Variants in CERS3 observed in about 807,000 individuals in gnomAD.
CERS3 encodes ceramide synthase 3.
Under a neutral mutation model 50.3 loss-of-function variants are expected in CERS3, and 33 were observed. The ratio of observed to expected loss-of-function variants is 0.66; its 90% confidence interval spans 0.50 to 0.88. The LOEUF (loss-of-function observed/expected upper bound fraction) is 0.88. Among genes scored for constraint, CERS3 ranks in the 40% least tolerant of loss-of-function variants. The probability of loss-of-function intolerance (pLI) is 0.00; values close to 1 mark genes in which losing one functional copy is unlikely to be tolerated. For missense variants in CERS3, 470 were observed against 460.3 expected (o/e 1.02, Z -0.19); for synonymous variants, 176 against 155.2 (o/e 1.13, Z -0.99).
rs138804432 is a variant in CERS3 at position 100,457,195 on chromosome 15, T to C, written c.846-1149A>G. Among the ~76,000 whole-genome samples, 658 of 152,326 alleles carry C rather than the reference T, an allele frequency of 4.3e-3. 6 individuals carry two copies. Among genetic ancestry groups the C allele is most frequent in the African/African-American group, 0.015 (624 of 41,580 alleles). On this transcript the variant is annotated intron_variant, in intron 10 of 11. Transcript: ENST00000679737. ...TTCCTATACAATTTTTTAATTTTTTTATTAACATGCAGTAAAATTTACTGT... is the reference window on the plus strand; with the variant it reads ...TTCCTATACAATTTTTTAATTTTTTCATTAACATGCAGTAAAATTTACTGT...
At chr15:100,410,705 G>A (rs985113987) in intron 11 of CERS3, among the ~76,000 whole-genome samples, 1 of 152,094 alleles carries the variant, frequency 6.6e-6, no homozygotes, top group Admixed American at 6.5e-5. Flanking sequence ...AACTTTGTCT[G>A]GTATCAAATT....
In CERS3 at chr15:100,402,379, C is replaced by T; in HGVS notation, c.*334G>A. On this transcript the variant is annotated 3_prime_UTR_variant, in exon 12 of 12. Transcript: ENST00000679737. Reference sequence around the variant, plus strand: ...CCTGTGAAAGCGTCCTGAGGACAGGCAAGGTGGCGAGGCGAAAGGGTCTAT... The same window carrying T: ...CCTGTGAAAGCGTCCTGAGGACAGGTAAGGTGGCGAGGCGAAAGGGTCTAT... 1 of 220,432 alleles carries T rather than the reference C, an allele frequency of 4.5e-6. No individual in the cohort carries two copies. Among genetic ancestry groups the T allele is most frequent in the East Asian group, 1.2e-4 (1 of 8,514 alleles). The allele number at this position is 220,432 out of a possible 1,614,324, so 13.7% of individuals were successfully genotyped here.
chr15:100,423,439 T>TA (rs1169304112), intron 11 of CERS3, among the ~76,000 whole-genome samples: 2 of 152,100 alleles, frequency 1.3e-5, no homozygotes, highest in African/African-American at 4.8e-5. Flanking sequence ...TATACAGCCA[T>TA]AAAAAAGAAC....
intron 2 of CERS3, among the ~76,000 whole-genome samples, chr15:100,509,100 G>T (rs1401647242): frequency 6.6e-6 from 1 of 152,148 alleles, no homozygotes; most frequent in Admixed American, 6.5e-5. Flanking sequence ...GCTGCCAAAA[G>T]TTTCCAAGAA....
upstream of CERS3, among the ~76,000 whole-genome samples, chr15:100,530,355 C>T (rs1168745001): frequency 1.3e-5 from 2 of 152,264 alleles, no homozygotes; most frequent in Non-Finnish European, 2.9e-5. Flanking sequence ...CAATGGCCTG[C>T]TCGCAACCTG....
intron 11 of CERS3, among the ~76,000 whole-genome samples, chr15:100,406,437 T>C (rs1341737494): frequency 1.3e-5 from 2 of 152,238 alleles, no homozygotes; most frequent in Non-Finnish European, 2.9e-5. Context: ...GTGTGTAATC[T>C]GAACATGGCT....
Position 100,480,018 on chromosome 15 carries a change from T to C in CERS3, c.436A>G (p.Thr146Ala). 1 of 1,611,324 alleles carries C rather than the reference T, an allele frequency of 6.2e-7. No homozygotes were observed. Among genetic ancestry groups the C allele is most frequent in the Non-Finnish European group, 8.5e-7 (1 of 1,178,798 alleles). ...CWRFAFYLMI[T>A]VAGIAFLYDK... Reference sequence around the variant, plus strand: ...TAAAGAAACGCAATTCCAGCAACAGTGATCATTAAGTAAAATGCAAATCTC... The same window carrying C: ...TAAAGAAACGCAATTCCAGCAACAGCGATCATTAAGTAAAATGCAAATCTC... The change falls in exon 6 of 12, where the codon ACT becomes GCT. Residue 146 changes from threonine (T) to alanine (A), a missense_variant. Coordinates refer to ENST00000679737, the MANE Select transcript of CERS3 (RefSeq NM_001378789.1).
chr15:100,537,371 C>G (rs2037099217), intron 1 of CERS3, among the ~76,000 whole-genome samples: 1 of 152,212 alleles, frequency 6.6e-6, no homozygotes, highest in South Asian at 2.1e-4. Flanking sequence ...GCATGTGTAG[C>G]ATTGTGGCTG....
intron 11 of CERS3, among the ~76,000 whole-genome samples, chr15:100,409,011 C>G (rs1173025114): frequency 6.6e-6 from 1 of 152,174 alleles, no homozygotes; most frequent in Non-Finnish European, 1.5e-5. Context: ...ACACCTTGAA[C>G]AGCAATGCTC....
intron 10 of CERS3, among the ~76,000 whole-genome samples, chr15:100,457,330 C>G (rs1345731070): frequency 6.6e-6 from 1 of 152,184 alleles, no homozygotes; most frequent in East Asian, 1.9e-4. Context: ...GTGATGCTAT[C>G]CCTTTATTGC....
chr15:100,429,604 CA>C (rs1190220627), intron 11 of CERS3, among the ~76,000 whole-genome samples: 1 of 152,126 alleles, frequency 6.6e-6, no homozygotes, highest in East Asian at 1.9e-4. Context: ...CCCTTTGTAC[CA>C]GGCAAAAGAA....
intron 11 of CERS3, among the ~76,000 whole-genome samples, chr15:100,451,231 A>G (rs1470760514): frequency 1.3e-5 from 2 of 151,828 alleles, no homozygotes; most frequent in Non-Finnish European, 2.9e-5. Flanking sequence ...GAAACAAAGG[A>G]TATACAGAAC....
At chr15:100,435,888 G>A (rs1206023548) in intron 11 of CERS3, among the ~76,000 whole-genome samples, 1 of 152,202 alleles carries the variant, frequency 6.6e-6, no homozygotes, top group Admixed American at 6.5e-5. Context: ...CATCATCACT[G>A]GTCATGAGAG....
At chr15:100,532,694 G>A (rs145380495), upstream of CERS3, among the ~76,000 whole-genome samples, 81 of 152,274 alleles carry the variant, frequency 5.3e-4, 1 homozygote, top group African/African-American at 1.9e-3. Context: ...GGGAAGTCAA[G>A]GTTGCAGTGA....
chr15:100,412,132 C>T (rs1350332014), intron 11 of CERS3, among the ~76,000 whole-genome samples: 1 of 151,908 alleles, frequency 6.6e-6, no homozygotes. Context: ...TCAAATTTGC[C>T]CATTTTTTCA....
At chr15:100,520,873 C>T (rs184390659) in intron 2 of CERS3, among the ~76,000 whole-genome samples, 13 of 152,254 alleles carry the variant, frequency 8.5e-5, no homozygotes, top group African/African-American at 2.4e-4. Context: ...CATGAATATC[C>T]GGTTCTTGCA....
rs74771339 is a variant in CERS3 at position 100,482,611 on chromosome 15, T to TAA, written c.407+1937_407+1938dup. Among the ~76,000 whole-genome samples, 5 of 80,014 alleles carry TAA rather than the reference T, an allele frequency of 6.2e-5. 1 individual carries two copies. Among genetic ancestry groups the TAA allele is most frequent in the African/African-American group, 1.3e-4 (3 of 22,378 alleles). 52.5% of individuals were successfully genotyped at this position (80,014 alleles called of 152,430 possible). ...AATGTGGAATTTGATTTTTTTTTTT[T>TAA]AAAAAAAAGGGCCCATTATGTATTA... On this transcript the variant is annotated intron_variant, in intron 5 of 11. Transcript: ENST00000679737.
At chr15:100,528,015 G>C (rs1452921436) in intron 1 of CERS3, among the ~76,000 whole-genome samples, 1 of 152,158 alleles carries the variant, frequency 6.6e-6, no homozygotes, top group Admixed American at 6.5e-5. Flanking sequence ...AGGTAGAGAA[G>C]GCACTTGAAC....
intron 11 of CERS3, among the ~76,000 whole-genome samples, chr15:100,439,292 T>A (rs1353240783): frequency 6.6e-6 from 1 of 152,236 alleles, no homozygotes; most frequent in South Asian, 2.1e-4. Flanking sequence ...ATTTTAAAAG[T>A]ATAATCACCT....
Sources: allele counts gnomAD v4.1 joint callset (sites outside exome capture counted in the v4.1 genomes callset), GRCh38; gene constraint gnomAD v4.1.1; transcripts MANE v1.5; gene names NCBI Gene and HGNC (gene_info 2026-07-23, HGNC 2026-07-21).